The following ESR2 variants were observed in gnomAD, a reference collection of about 807,000 sequenced individuals.
ESR2 encodes the protein estrogen receptor beta.
A neutral mutation model predicts 49.6 loss-of-function variants in ESR2; 36 were observed. That is an observed-to-expected ratio of 0.73 (90% CI 0.56 to 0.96). ESR2 has a LOEUF of 0.96. ESR2 is among the 40% of genes least tolerant of loss of function. The probability of loss-of-function intolerance (pLI) is 0.00; values close to 1 mark genes in which losing one functional copy is unlikely to be tolerated. For missense variants in ESR2, 714 were observed against 693.0 expected (o/e 1.03, Z -0.34); for synonymous variants, 320 against 266.1 (o/e 1.20, Z -1.97).
At chr14:64,248,064 G>T (rs1219553025) in intron 7 of ESR2, among the ~76,000 whole-genome samples, 1 of 152,130 alleles carries the variant, frequency 6.6e-6, no homozygotes. Flanking sequence ...TGTGGTGGCA[G>T]GTGCTTGTGG....
chr14:64,274,941 C>T (rs2076527749), intron 3 of ESR2, among the ~76,000 whole-genome samples: 1 of 151,962 alleles, frequency 6.6e-6, no homozygotes, highest in Non-Finnish European at 1.5e-5. Flanking sequence ...AGTTTTATTC[C>T]ATTGTGGTCA....
At chr14:64,333,720 A>C (rs186202282) in intron 1 of ESR2, among the ~76,000 whole-genome samples, 17 of 152,270 alleles carry the variant, frequency 1.1e-4, no homozygotes, top group Non-Finnish European at 2.5e-4. Context: ...CGAGAACAAC[A>C]GGGAGGAAAC....
At chr14:64,329,046 T>C (rs181394405) in intron 1 of ESR2, among the ~76,000 whole-genome samples, 3 of 152,276 alleles carry the variant, frequency 2.0e-5, no homozygotes, top group Non-Finnish European at 2.9e-5. Context: ...ACAATTATTG[T>C]AGGAGAAAAA....
chr14:64,233,491 A>G (rs1330024449), intron 8 of ESR2, 168 bp from the exon 9 acceptor site: 1 of 626,874 alleles, frequency 1.6e-6, no homozygotes, highest in Non-Finnish European at 2.8e-6. Context: ...CTGATAATTT[A>G]GGCTCAAGGG....
At chr14:64,296,267 T>C (rs892056549), upstream of ESR2, among the ~76,000 whole-genome samples, 2 of 152,140 alleles carry the variant, frequency 1.3e-5, no homozygotes, top group African/African-American at 4.8e-5. Flanking sequence ...ACCAGCTCAG[T>C]GAGATATTGA....
At chr14:64,227,998 T>A (rs1779778483), downstream of ESR2, 2 of 1,548,672 alleles carry the variant, frequency 1.3e-6, no homozygotes, top group Middle Eastern at 1.7e-4. Flanking sequence ...ATCGATGCAC[T>A]GGATACCAGG....
chr14:64,260,846 C>T, intron 4 of ESR2, 98 bp from the exon 5 acceptor site: 1 of 1,140,444 alleles, frequency 8.8e-7, no homozygotes, highest in South Asian at 1.9e-5. Flanking sequence ...GGGGCACGTA[C>T]CAAAGATTAC....
intron 6 of ESR2, among the ~76,000 whole-genome samples, chr14:64,253,019 C>G (rs1412770604): frequency 6.6e-6 from 1 of 151,886 alleles, no homozygotes; most frequent in Non-Finnish European, 1.5e-5. Context: ...CTATGCCTGG[C>G]TAATTTTTGC....
At chr14:64,307,756 C>T (rs1214808458) in intron 1 of ESR2, among the ~76,000 whole-genome samples, 2 of 151,670 alleles carry the variant, frequency 1.3e-5, no homozygotes, top group African/African-American at 4.8e-5. Flanking sequence ...AGGTTGGTCT[C>T]ACCTTCTGAC....
chr14:64,325,616 G>C (rs1229180593), intron 1 of ESR2, among the ~76,000 whole-genome samples: 1 of 152,070 alleles, frequency 6.6e-6, no homozygotes, highest in Non-Finnish European at 1.5e-5. Flanking sequence ...GACCCTTGAA[G>C]ACCGATTTGA....
chr14:64,311,565 C>T (rs1178530585), intron 1 of ESR2, among the ~76,000 whole-genome samples: 1 of 151,246 alleles, frequency 6.6e-6, no homozygotes, highest in Non-Finnish European at 1.5e-5. Context: ...ATTGCTTGAA[C>T]CTGGGAGGCA....
intron 5 of ESR2, among the ~76,000 whole-genome samples, chr14:64,257,638 T>C (rs941342448): frequency 6.6e-5 from 10 of 152,110 alleles, no homozygotes; most frequent in Non-Finnish European, 1.3e-4. Flanking sequence ...TGATCTTTGT[T>C]AGCTGTGTCC....
chr14:64,259,659 G>A (rs1201001619), intron 5 of ESR2, among the ~76,000 whole-genome samples: 1 of 152,184 alleles, frequency 6.6e-6, no homozygotes, highest in African/African-American at 2.4e-5. Context: ...GGTTCCAAGT[G>A]ACAACTCATG....
intron 7 of ESR2, among the ~76,000 whole-genome samples, chr14:64,241,959 C>G (rs1462231292): frequency 1.3e-5 from 2 of 152,210 alleles, no homozygotes; most frequent in African/African-American, 4.8e-5. Context: ...AGTGGACATA[C>G]TTGCCTTGTT....
At chr14:64,285,228 C>T (rs180707016) in intron 1 of ESR2, among the ~76,000 whole-genome samples, 109 of 152,264 alleles carry the variant, frequency 7.2e-4, no homozygotes, top group African/African-American at 2.6e-3. Context: ...TCCTCCAGAT[C>T]CATAGAGTTG....
intron 1 of ESR2, among the ~76,000 whole-genome samples, chr14:64,309,384 G>T (rs2077154975): frequency 6.6e-6 from 1 of 152,108 alleles, no homozygotes; most frequent in Non-Finnish European, 1.5e-5. Context: ...GGCCGAGGTG[G>T]GTGGATCACC....
intron 4 of ESR2, among the ~76,000 whole-genome samples, chr14:64,266,790 A>G (rs2076338010): frequency 6.6e-6 from 1 of 152,196 alleles, no homozygotes; most frequent in Admixed American, 6.5e-5. Context: ...GGATCTCCCA[A>G]GGTTTATGGG....
At chr14:64,284,346 G>A (rs1399043898) in intron 1 of ESR2, among the ~76,000 whole-genome samples, 1 of 151,752 alleles carries the variant, frequency 6.6e-6, no homozygotes, top group East Asian at 1.9e-4. Flanking sequence ...TTTTTTTTGA[G>A]ATGGAGTTTC....
At chr14:64,267,065 G>C (rs1309879075) in intron 4 of ESR2, among the ~76,000 whole-genome samples, 1 of 152,076 alleles carries the variant, frequency 6.6e-6, no homozygotes, top group African/African-American at 2.4e-5. Flanking sequence ...ATTTTTAGTG[G>C]AGACAAGGTT....
Sources: allele counts gnomAD v4.1 joint callset (sites outside exome capture counted in the v4.1 genomes callset), GRCh38; gene constraint gnomAD v4.1.1; transcripts MANE v1.5; gene names NCBI Gene and HGNC (gene_info 2026-07-23, HGNC 2026-07-21).